The following ART3 variants were observed in gnomAD, a reference collection of about 807,000 sequenced individuals.
ART3 encodes the protein ADP-ribosyltransferase 3 (inactive), also known as ecto-ADP-ribosyltransferase 3.
ART3 carries 49 observed loss-of-function variants against 48.5 expected under a neutral mutation model. The ratio of observed to expected loss-of-function variants is 1.01; its 90% CI spans 0.80 to 1.28. The LOEUF (loss-of-function observed/expected upper bound fraction) is 1.28, where lower values mean the gene tolerates loss of function less well. Ranked by LOEUF, ART3 falls within the 50% of genes most tolerant of loss-of-function variation. The pLI is 0.00. For missense variants in ART3, 438 were observed against 454.3 expected, an observed-to-expected ratio of 0.96 and a Z score of 0.33; for synonymous variants, 145 against 157.2, an observed-to-expected ratio of 0.92 and a Z score of 0.58.
chr4:76,033,670 A>G (rs181996600), intron 1 of ART3: 1 of 152,232 alleles, frequency 6.6e-6, no homozygotes, highest in Non-Finnish European at 1.5e-5. Flanking sequence ...TGTCCTGGAA[A>G]GTATATAGAT....
intron 10 of ART3, among the ~76,000 whole-genome samples, chr4:76,106,617 T>G (rs1425983683): frequency 6.6e-6 from 1 of 152,208 alleles, no homozygotes; most frequent in Admixed American, 6.5e-5. Flanking sequence ...TCCCCAAGTC[T>G]GCTTTTAGCT....
At chr4:76,043,346 G>T (rs1735163846) in intron 1 of ART3, among the ~76,000 whole-genome samples, 2 of 152,026 alleles carry the variant, frequency 1.3e-5, no homozygotes. Context: ...GGAGCAGGGG[G>T]TGGCACTCGT....
At chr4:76,022,022 T>C (rs371051501) in intron 1 of ART3, 34 of 1,330,820 alleles carry the variant, frequency 2.6e-5, no homozygotes, top group Non-Finnish European at 3.2e-5. Context: ...GTTTGGAAAG[T>C]ACCGAGTTCA....
chr4:76,063,479 G>T (rs1219862539), intron 1 of ART3, among the ~76,000 whole-genome samples: 1 of 152,118 alleles, frequency 6.6e-6, no homozygotes, highest in African/African-American at 2.4e-5. Flanking sequence ...AGTTTAAAAT[G>T]AGATTAAAAG....
chr4:76,043,232 G>A (rs961126901), intron 1 of ART3, among the ~76,000 whole-genome samples: 7 of 152,044 alleles, frequency 4.6e-5, no homozygotes, highest in African/African-American at 9.7e-5. Flanking sequence ...CTGGCTTCAC[G>A]CAGTGGATCC....
At chr4:76,059,798 A>G (rs1285390274) in intron 1 of ART3, among the ~76,000 whole-genome samples, 1 of 152,254 alleles carries the variant, frequency 6.6e-6, no homozygotes, top group Non-Finnish European at 1.5e-5. Context: ...AACTTTATAA[A>G]CACAAGTTGG....
intron 1 of ART3, among the ~76,000 whole-genome samples, chr4:76,064,214 T>C (rs1292758418): frequency 6.6e-6 from 1 of 152,058 alleles, no homozygotes; most frequent in Admixed American, 6.6e-5. Context: ...TAGAAGCACA[T>C]TAGGTACACG....
chr4:76,100,749 C>T lies in ART3; in HGVS notation c.878-46C>T, dbSNP rs780573978. On this transcript the variant is annotated intron_variant, in intron 6 of 11. Coordinates refer to ENST00000355810, the MANE Select transcript of ART3 (RefSeq NM_001130016.3). ...GCTGTAGCTGTAGTAACTGCCAATT[C>T]TTTTGTTCCTTCGTTAAAACTGATG... 1.9e-6 allele frequency: 3 copies of T among 1,595,780 alleles called. No individual in the cohort carries two copies. The African/African-American group carries it at 4.1e-5, about 22-fold the overall frequency.
intron 1 of ART3, among the ~76,000 whole-genome samples, chr4:76,030,949 T>G (rs1733820998): frequency 6.6e-6 from 1 of 152,202 alleles, no homozygotes; most frequent in Non-Finnish European, 1.5e-5. Flanking sequence ...GTACCAGTTT[T>G]TGTTTAAAGA....
intron 1 of ART3, among the ~76,000 whole-genome samples, chr4:76,038,737 C>G (rs1734672265): frequency 8.2e-6 from 1 of 122,472 alleles, no homozygotes; most frequent in Non-Finnish European, 1.7e-5. Flanking sequence ...ATTTATTTAT[C>G]TTTGAGATGG....
At chr4:76,064,712 T>C (rs1719546428) in intron 1 of ART3, among the ~76,000 whole-genome samples, 1 of 152,170 alleles carries the variant, frequency 6.6e-6, no homozygotes, top group Admixed American at 6.5e-5. Flanking sequence ...AGTGCTAACG[T>C]CCTCTTATTA....
intron 1 of ART3, among the ~76,000 whole-genome samples, chr4:76,060,110 T>C (rs1719061326): frequency 6.6e-6 from 1 of 152,200 alleles, no homozygotes; most frequent in Non-Finnish European, 1.5e-5. Flanking sequence ...AAAAAACTCA[T>C]TTCCGTAGTT....
chr4:76,049,854 C>A (rs905736677), intron 1 of ART3, among the ~76,000 whole-genome samples: 1 of 151,948 alleles, frequency 6.6e-6, no homozygotes, highest in Non-Finnish European at 1.5e-5. Context: ...CGGACCCTCA[C>A]GGTGAGTGTT....
intron 3 of ART3, among the ~76,000 whole-genome samples, chr4:76,087,813 C>G (rs1334265736): frequency 6.6e-6 from 1 of 152,144 alleles, no homozygotes; most frequent in African/African-American, 2.4e-5. Flanking sequence ...TAACAGAAAC[C>G]TTTCTCCTTC....
chr4:76,082,140 A>G lies in ART3; in HGVS notation c.386A>G (p.Tyr129Cys), dbSNP rs772986373. The G allele has an allele frequency of 2.5e-5, 40 of 1,614,102 alleles. No homozygotes were observed. Among genetic ancestry groups the G allele is most frequent in the Non-Finnish European group, 3.1e-5 (37 of 1,180,058 alleles). ...ATGGCTGGCCAATCTCGAGAAGATT[A>G]TATCTATGGCTTCCAGTTCAAAGCT... ...VKMAGQSREDYIYGFQFKAFH... is the reference protein window; with the variant it reads ...VKMAGQSREDCIYGFQFKAFH... Residue 129 changes from tyrosine to cysteine, a missense_variant, in exon 3 of 12, where the codon TAT (tyrosine) becomes TGT (cysteine). Transcript: ENST00000355810.
chr4:76,084,564 T>A (rs908826405), intron 3 of ART3, among the ~76,000 whole-genome samples: 1 of 152,074 alleles, frequency 6.6e-6, no homozygotes, highest in Non-Finnish European at 1.5e-5. Context: ...ATCTGGAAGG[T>A]TTTAGGTTGT....
At position 76,051,431 on chromosome 4, in the gene ART3, T is replaced by C. The variant is rs1184195093; in HGVS notation, c.-9-24450T>C. 4.6e-5 allele frequency among the ~76,000 whole-genome samples: 7 copies of C among 152,170 alleles called. No individual in the cohort carries two copies. The East Asian group carries it at 1.3e-3, about 29-fold the overall frequency. ...AGCCATTAGGCACTGGGTAAGGCTC[T>C]ATTTTTTTCATCAAAACTTGGAGTA... On this transcript the variant is annotated intron_variant, in intron 1 of 9. Coordinates refer to the ART3 transcript ENST00000341029.
chr4:76,074,063 CAGTGAACCCTA>C (rs1720608319), upstream of ART3, among the ~76,000 whole-genome samples: 1 of 152,146 alleles, frequency 6.6e-6, no homozygotes, highest in South Asian at 2.1e-4. Flanking sequence ...AATCCACAGT[CAGTGAACCCTA>C]AGTGTTCCTC....
At chr4:76,057,212 C>A (rs1449743559) in intron 1 of ART3, among the ~76,000 whole-genome samples, 1 of 152,084 alleles carries the variant, frequency 6.6e-6, no homozygotes, top group East Asian at 1.9e-4. Context: ...ATTATATTTG[C>A]GATCTACTAG....
Sources: gnomAD v4.1 joint callset for allele counts (sites outside exome capture counted in the v4.1 genomes callset) on GRCh38, gnomAD v4.1.1 for gene constraint, MANE v1.5 for transcripts, NCBI Gene and HGNC (gene_info 2026-07-23, HGNC 2026-07-21) for gene names.